MBNL2: variants seen among roughly 807,000 people sequenced by gnomAD.
MBNL2 encodes the protein muscleblind like splicing regulator 2, also known as muscleblind-like protein 2.
In MBNL2, 17 loss-of-function variants were observed where a neutral mutation model predicts 41.9. That is an observed-to-expected ratio of 0.41 (90% CI 0.28 to 0.61). The LOEUF (loss-of-function observed/expected upper bound fraction) is 0.61. Among genes scored for constraint, MBNL2 ranks in the 20% least tolerant of loss-of-function variants. The probability of loss-of-function intolerance (pLI) is 0.35; values close to 1 mark genes in which losing one functional copy is unlikely to be tolerated. For synonymous variants in MBNL2, 195 were observed against 182.9 expected (o/e 1.07, Z -0.53); for missense variants, 336 against 505.6 (o/e 0.66, Z 3.22).
intron 1 of MBNL2, among the ~76,000 whole-genome samples, chr13:97,257,999 G>C (rs371807054): frequency 6.6e-6 from 1 of 152,210 alleles, no homozygotes; most frequent in East Asian, 1.9e-4. Context: ...GATGACAACT[G>C]GTGACGGCAG....
the MBNL2 span, among the ~76,000 whole-genome samples, chr13:97,158,573 C>T: frequency 7.3e-5 from 11 of 151,132 alleles, no homozygotes; most frequent in Admixed American, 1.3e-4. Flanking sequence ...TTGAATGCGT[C>T]CCAGAGATTC....
intron 5 of MBNL2, among the ~76,000 whole-genome samples, chr13:97,352,509 C>A (rs532921561): frequency 2.0e-5 from 3 of 152,044 alleles, no homozygotes; most frequent in Admixed American, 1.3e-4. Flanking sequence ...TGACGTTTAT[C>A]GATTAAGTTT....
At chr13:97,345,394 A>G (rs1401240711) in intron 4 of MBNL2, among the ~76,000 whole-genome samples, 1 of 152,228 alleles carries the variant, frequency 6.6e-6, no homozygotes, top group South Asian at 2.1e-4. Flanking sequence ...TGTTATCTAT[A>G]TGCAGGGCAT....
chr13:97,280,157 G>A (rs1158696786), intron 2 of MBNL2, among the ~76,000 whole-genome samples: 1 of 152,154 alleles, frequency 6.6e-6, no homozygotes, highest in Non-Finnish European at 1.5e-5. Context: ...CCGTGTCTCT[G>A]ATGCTTTTAC....
intron 2 of MBNL2, among the ~76,000 whole-genome samples, chr13:97,330,691 T>C (rs904905857): frequency 6.6e-6 from 1 of 152,244 alleles, no homozygotes; most frequent in East Asian, 1.9e-4. Context: ...GTTGCTTTGA[T>C]AACCAACAGC....
intron 2 of MBNL2, among the ~76,000 whole-genome samples, chr13:97,333,257 A>G (rs1458981734): frequency 6.6e-6 from 1 of 152,228 alleles, no homozygotes; most frequent in Non-Finnish European, 1.5e-5. Context: ...CAGAAATTGT[A>G]TAATTCACAC....
At chr13:97,165,602 A>G in the MBNL2 span, among the ~76,000 whole-genome samples, 1 of 152,218 alleles carries the variant, frequency 6.6e-6, no homozygotes, top group Non-Finnish European at 1.5e-5. Context: ...AAAAATTAAA[A>G]TGTTTTAATA....
At chr13:97,251,084 T>C (rs1285185448) in intron 1 of MBNL2, among the ~76,000 whole-genome samples, 1 of 151,520 alleles carries the variant, frequency 6.6e-6, no homozygotes, top group Admixed American at 6.6e-5. Flanking sequence ...ACTTAGGAGT[T>C]TTCTGTAAAA....
intron 2 of MBNL2, among the ~76,000 whole-genome samples, chr13:97,295,882 A>G (rs577507445): frequency 1.3e-5 from 2 of 152,364 alleles, no homozygotes; most frequent in South Asian, 2.1e-4. Flanking sequence ...GTTTAAATAC[A>G]TAACATACTT....
intron 5 of MBNL2, among the ~76,000 whole-genome samples, chr13:97,347,637 G>A (rs756839975): frequency 6.6e-6 from 1 of 152,214 alleles, no homozygotes; most frequent in Non-Finnish European, 1.5e-5. Context: ...TGAAACAGAT[G>A]AAAGTGGAGC....
intron 8 of MBNL2, among the ~76,000 whole-genome samples, chr13:97,368,236 C>T (rs774985012): frequency 2.6e-5 from 4 of 152,008 alleles, no homozygotes; most frequent in Non-Finnish European, 5.9e-5. Flanking sequence ...ATGGTAAAAT[C>T]TGGTCTCTAC....
intron 1 of MBNL2, among the ~76,000 whole-genome samples, chr13:97,246,044 G>C (rs1371324243): frequency 6.6e-6 from 1 of 152,092 alleles, no homozygotes; most frequent in South Asian, 2.1e-4. Context: ...ACATTTTATA[G>C]ATAAGAAATG....
intron 2 of MBNL2, among the ~76,000 whole-genome samples, chr13:97,303,107 G>T (rs1376314799): frequency 6.6e-6 from 1 of 152,168 alleles, no homozygotes; most frequent in African/African-American, 2.4e-5. Flanking sequence ...TCAACCTTGG[G>T]CATGAGGAGG....
In MBNL2 at chr13:97,391,305, GTCTTTC is replaced by G. The variant is rs1252241759; in HGVS notation, c.1049-11_1049-6del. Reference sequence around the variant, plus strand: ...CCAGAAGGATACCTAAATCATGCTTGTCTTTCTCTTTAACAGATAATTCTGAAATAA... The same window carrying G: ...CCAGAAGGATACCTAAATCATGCTTGTCTTTAACAGATAATTCTGAAATAA... On this transcript the variant is annotated splice_polypyrimidine_tract_variant and intron_variant, in intron 8 of 8. Transcript: ENST00000679496. The G allele has an allele frequency of 2.4e-5, 26 of 1,090,994 alleles. No individual in the cohort carries two copies. Among genetic ancestry groups the G allele is most frequent in the Admixed American group, 5.2e-5 (3 of 58,042 alleles). 67.6% of individuals were successfully genotyped at this position (1,090,994 alleles called of 1,614,324 possible).
the MBNL2 span, among the ~76,000 whole-genome samples, chr13:97,163,069 TCAA>T: frequency 6.6e-6 from 1 of 152,132 alleles, no homozygotes; most frequent in Non-Finnish European, 1.5e-5. Context: ...ACCACCACTC[TCAA>T]CAACACCAAC....
chr13:97,221,109 A>T (rs552406957), upstream of MBNL2, among the ~76,000 whole-genome samples: 55 of 152,348 alleles, frequency 3.6e-4, no homozygotes, highest in African/African-American at 1.3e-3. Flanking sequence ...CAATGGCAAA[A>T]TAAAAAGAAA....
chr13:97,199,842 A>G, the MBNL2 span, among the ~76,000 whole-genome samples: 1 of 152,222 alleles, frequency 6.6e-6, no homozygotes, highest in Non-Finnish European at 1.5e-5. Flanking sequence ...GGTTTGATCA[A>G]GAAGCAGAAC....
At chr13:97,260,287 G>A (rs2048356281) in intron 1 of MBNL2, among the ~76,000 whole-genome samples, 1 of 152,218 alleles carries the variant, frequency 6.6e-6, no homozygotes, top group African/African-American at 2.4e-5. Flanking sequence ...GGATGGTTGG[G>A]GGGAGTCAGA....
At chr13:97,234,408 C>CCCAAGGT (rs1228315021) in intron 1 of MBNL2, among the ~76,000 whole-genome samples, 1 of 152,170 alleles carries the variant, frequency 6.6e-6, no homozygotes, top group Non-Finnish European at 1.5e-5. Context: ...CCATTGTAGA[C>CCCAAGGT]TCAAATTGAA....
Sources: gnomAD v4.1 joint callset for allele counts (sites outside exome capture counted in the v4.1 genomes callset) on GRCh38, gnomAD v4.1.1 for gene constraint, MANE v1.5 for transcripts, NCBI Gene and HGNC (gene_info 2026-07-23, HGNC 2026-07-21) for gene names.